The following GBGT1 variants were observed in gnomAD, a reference collection of about 807,000 sequenced individuals.
GBGT1 encodes globoside alpha-1,3-N-acetylgalactosaminyltransferase 1 (FORS blood group), also known as globoside alpha-1,3-N-acetylgalactosaminyltransferase 1.
A neutral mutation model predicts 20.9 loss-of-function variants in GBGT1; 18 were observed. The observed-to-expected ratio is 0.86, with a 90% CI of 0.60 to 1.28. The LOEUF (loss-of-function observed/expected upper bound fraction) is 1.28. Ranked by LOEUF, GBGT1 falls within the 50% of genes most tolerant of loss-of-function variation. The pLI, the probability that GBGT1 is intolerant of heterozygous loss-of-function variation, is 0.00. For missense variants in GBGT1, 432 were observed against 455.7 expected (o/e 0.95, Z 0.47); for synonymous variants, 168 against 180.8 (o/e 0.93, Z 0.57).
chr9:133,156,047 G>C lies in GBGT1; in HGVS notation c.156C>G (p.Tyr52Ter), dbSNP rs1437750104. The C allele has an allele frequency of 3.1e-6, 5 of 1,614,108 alleles. No homozygotes were observed. The highest frequency in any genetic ancestry group is 3.4e-6 in the Non-Finnish European group (4 of 1,179,990). Residue 52 changes from tyrosine to a stop codon, truncating the protein, a stop_gained, in exon 4 of 7, where the codon TAC (tyrosine) becomes TAG (stop). Coordinates refer to ENST00000372040, the MANE Select transcript of GBGT1 (RefSeq NM_021996.6). LOFTEE classifies it high-confidence loss of function. Reference protein sequence around the residue: ...CPEIFNMKLHYKREKPLQPVV... With the variant: ...CPEIFNMKLH The stretch of plus-strand genomic sequence containing the variant: ...CGGGCTGGAGTGGCTTCTCCCTCTT[G>C]TAGTGCAGCTTCATGTTGCTGGTGG...
At position 133,153,999 on chromosome 9, in the gene GBGT1, C is replaced by G; in HGVS notation, c.622G>C (p.Asp208His). 4 of 1,613,950 alleles carry G rather than the reference C, an allele frequency of 2.5e-6. No homozygotes were observed. The highest frequency in any genetic ancestry group is 3.4e-6 in the Non-Finnish European group (4 of 1,180,002). ...EVDYLFCLDV[D>H]MVFRNPWGPE... Reference sequence around the variant, plus strand: ...CCCCACGGGTTCCGAAACACCATGTCCACATCAAGGCAGAAGAGGTAGTCC... The same window carrying G: ...CCCCACGGGTTCCGAAACACCATGTGCACATCAAGGCAGAAGAGGTAGTCC... The change falls in exon 7 of 7, where the codon GAC becomes CAC. Residue 208 changes from aspartate (D) to histidine (H), a missense_variant. Asp to His is a moderately conservative substitution (Grantham distance 81, BLOSUM62 -1). Transcript: ENST00000372040.
chr9:133,155,734 G>A (rs1199421753), intron 5 of GBGT1, among the ~76,000 whole-genome samples, 167 bp downstream of exon 5: 1 of 152,034 alleles, frequency 6.6e-6, no homozygotes, highest in Non-Finnish European at 1.5e-5. Flanking sequence ...GCTGCCCAGG[G>A]TCACACAGCC....
intron 2 of GBGT1, among the ~76,000 whole-genome samples, chr9:133,162,069 T>G (rs979855741): frequency 5.3e-5 from 8 of 151,288 alleles, no homozygotes; most frequent in African/African-American, 1.9e-4. Flanking sequence ...AGATCAAGGT[T>G]TTGGGGTTGA....
At position 133,154,096 on chromosome 9, in the gene GBGT1, G is replaced by T; in HGVS notation, c.525C>A (p.His175Gln). The stretch of plus-strand genomic sequence containing the variant: ...TCCGGCGCATGGATGTCTCCTCCCA[G>T]TGGGAGTGACCCTGGATGGGGATGG... ...LSSIPIQGHSHWEETSMRRME... is the reference protein window; with the variant it reads ...LSSIPIQGHSQWEETSMRRME... The change falls in exon 7 of 7, where the codon CAC (histidine) becomes CAA (glutamine). Residue 175 changes from histidine to glutamine, a missense_variant. His to Gln is a conservative substitution (Grantham distance 24). Transcript: ENST00000372040. The surrounding 1 kb of genome is among the most constrained non-coding windows in gnomAD (Gnocchi z 4.2). The T allele has an allele frequency of 1.2e-6, 2 of 1,613,088 alleles. No individual in the cohort carries two copies.
chr9:133,154,032 G>A lies in GBGT1; in HGVS notation c.589C>T (p.Arg197Trp), dbSNP rs763854503. 13 of 1,613,646 alleles carry A rather than the reference G, an allele frequency of 8.1e-6. No individual in the cohort carries two copies. The highest frequency in any genetic ancestry group is 4.5e-5 in the East Asian group (2 of 44,892). ...AGGCAGAAGAGGTAGTCCACCTCCCGGTGAGCCCTCTTAGCAATGTGCTGG... is the reference window on the plus strand; with the variant it reads ...AGGCAGAAGAGGTAGTCCACCTCCCAGTGAGCCCTCTTAGCAATGTGCTGG... ...ISQHIAKRAH[R>W]EVDYLFCLDV... Residue 197 changes from arginine to tryptophan, a missense_variant, in exon 7 of 7, where the codon CGG becomes TGG. Physicochemically the swap from Arg to Trp is moderately radical, Grantham distance 101. Coordinates refer to ENST00000372040, the MANE Select transcript of GBGT1 (RefSeq NM_021996.6). The surrounding 1 kb of genome is among the most constrained non-coding windows in gnomAD (Gnocchi z 4.2).
intron 3 of GBGT1, chr9:133,160,281 T>TATTATAATAATAATA (rs145838285): frequency 3.5e-5 from 5 of 144,078 alleles, no homozygotes; most frequent in Non-Finnish European, 6.0e-5. Flanking sequence ...TCTGTCTCAA[T>TATTATAATAATAATA]ATAATAATAA....
At chr9:133,155,088 C>G in intron 6 of GBGT1, 90 bp downstream of exon 6, 1 of 1,219,560 alleles carries the variant, frequency 8.2e-7, no homozygotes, top group Non-Finnish European at 1.2e-6. Context: ...CCAGCAGGGT[C>G]CTGTGTGCAC....
rs1832815575 is a variant in GBGT1, at chr9:133,154,636, G to A, written c.360-375C>T. 1 of 188,904 alleles carries A rather than the reference G, an allele frequency of 5.3e-6. No homozygotes were observed. The highest frequency in any genetic ancestry group is 1.1e-5 in the Non-Finnish European group (1 of 92,184). The allele number at this position is 188,904 out of a possible 1,614,324, so 11.7% of individuals were successfully genotyped here. Reference sequence around the variant, plus strand: ...GTAGTGAAGAAGCAGGTAAGTGGACGAATCAAGGGAAGGCAAGTTGAGCTA... The same window carrying A: ...GTAGTGAAGAAGCAGGTAAGTGGACAAATCAAGGGAAGGCAAGTTGAGCTA... On this transcript the variant is annotated intron_variant, in intron 6 of 6. Coordinates refer to ENST00000372040, the MANE Select transcript of GBGT1 (RefSeq NM_021996.6). This position sits in a 1 kb window ranked among gnomAD's most constrained non-coding sequence, Gnocchi z 4.2.
rs1385858649 is a variant in GBGT1 at position 133,155,261 on chromosome 9, C to G, written c.276G>C (p.Glu92Asp). 3 of 1,613,934 alleles carry G rather than the reference C, an allele frequency of 1.9e-6. No individual in the cohort carries two copies. The highest frequency in any genetic ancestry group is 2.5e-6 in the Non-Finnish European group (3 of 1,179,988). ...GCAGAAGCTCTGGGTTGAAGGTTCCCTCGGAGACGATGGGCGCCAACCAGG... is the reference window on the plus strand; with the variant it reads ...GCAGAAGCTCTGGGTTGAAGGTTCCGTCGGAGACGATGGGCGCCAACCAGG... Reference protein sequence around the residue: ...LTPWLAPIVSEGTFNPELLQH... With the variant: ...LTPWLAPIVSDGTFNPELLQH... The change falls in exon 6 of 7, where the codon GAG becomes GAC. Residue 92 changes from glutamate to aspartate, a missense_variant. Physicochemically the swap from Glu to Asp is conservative, Grantham distance 45. Coordinates refer to ENST00000372040, the MANE Select transcript of GBGT1 (RefSeq NM_021996.6).
rs762203321 is a variant in GBGT1, at chr9:133,155,259, C to G, written c.278G>C (p.Gly93Ala). The G allele has an allele frequency of 1.2e-6, 2 of 1,613,940 alleles. No homozygotes were observed. The highest frequency in any genetic ancestry group is 8.5e-7 in the Non-Finnish European group (1 of 1,179,932). Residue 93 changes from glycine to alanine, a missense_variant, in exon 6 of 7, where the codon GGA (glycine) becomes GCA (alanine). By Grantham distance (60) the Gly-to-Ala change is moderately conservative. Transcript: ENST00000372040. The stretch of plus-strand genomic sequence containing the variant: ...CTGCAGAAGCTCTGGGTTGAAGGTT[C>G]CCTCGGAGACGATGGGCGCCAACCA... ...TPWLAPIVSE[G>A]TFNPELLQHI...
At chr9:133,155,871 G>A (rs777253584) in intron 5 of GBGT1, 30 bp downstream of exon 5, 39 of 1,611,154 alleles carry the variant, frequency 2.4e-5, no homozygotes, top group Middle Eastern at 1.7e-4. Flanking sequence ...CTTTTCCCCC[G>A]CCCCCATCAG....
chr9:133,161,602 C>T (rs1170246359), intron 2 of GBGT1, 70 bp from the exon 3 acceptor site: 3 of 1,082,206 alleles, frequency 2.8e-6, no homozygotes, highest in Non-Finnish European at 4.1e-6. Flanking sequence ...GCACCTCATG[C>T]ACGTCATTGG....
intron 3 of GBGT1, among the ~76,000 whole-genome samples, chr9:133,157,029 G>A (rs546500289): frequency 3.0e-4 from 45 of 152,146 alleles, no homozygotes; most frequent in Non-Finnish European, 5.6e-4. Context: ...CACACCTGTA[G>A]TCCCAGCACT....
chr9:133,157,047 C>T (rs1209710702), intron 3 of GBGT1, among the ~76,000 whole-genome samples: 1 of 152,104 alleles, frequency 6.6e-6, no homozygotes, highest in Non-Finnish European at 1.5e-5. Context: ...ACTTTGGGGG[C>T]CCAACGCGGG....
intron 3 of GBGT1, among the ~76,000 whole-genome samples, chr9:133,156,917 G>A (rs1435876466): frequency 2.0e-5 from 3 of 152,158 alleles, no homozygotes; most frequent in South Asian, 2.1e-4. Flanking sequence ...TTCTATATCA[G>A]TTGATTTTAC....
chr9:133,163,626 C>A, intron 1 of GBGT1, 128 bp downstream of exon 1: 1 of 152,774 alleles, frequency 6.5e-6, no homozygotes, highest in South Asian at 1.9e-4. Flanking sequence ...AGTCCGTGGT[C>A]GGGACCCGGG....
chr9:133,155,982 C>T (rs749419341), intron 4 of GBGT1, 33 bp downstream of exon 4: 33 of 1,613,638 alleles, frequency 2.0e-5, no homozygotes, highest in East Asian at 4.5e-5. Context: ...ACCACCCTCA[C>T]GGCCACAAAA....
At chr9:133,157,629 T>C (rs535524641) in intron 3 of GBGT1, among the ~76,000 whole-genome samples, 5 of 152,306 alleles carry the variant, frequency 3.3e-5, no homozygotes, top group African/African-American at 1.2e-4. Flanking sequence ...CCATGGTCAG[T>C]TTCAAGGTCA....
At chr9:133,157,726 A>C (rs1832913711) in intron 3 of GBGT1, among the ~76,000 whole-genome samples, 1 of 152,260 alleles carries the variant, frequency 6.6e-6, no homozygotes, top group Non-Finnish European at 1.5e-5. Flanking sequence ...TGGCTCTGCC[A>C]CTAACTGGCC....
Sources: allele counts gnomAD v4.1 joint callset (sites outside exome capture counted in the v4.1 genomes callset), GRCh38; gene constraint gnomAD v4.1.1; non-coding constraint Gnocchi (gnomAD v3.1); transcripts MANE v1.5; gene names NCBI Gene and HGNC (gene_info 2026-07-23, HGNC 2026-07-21).